The following GTF2E2 variants were observed in gnomAD, a reference collection of about 807,000 sequenced individuals.
GTF2E2 encodes general transcription factor IIE subunit 2.
Under a neutral mutation model 40.5 loss-of-function variants are expected in GTF2E2, and 21 were observed. That is an observed-to-expected ratio of 0.52 (90% CI 0.37 to 0.75). The LOEUF is 0.75. Ranked by LOEUF, GTF2E2 falls within the 30% of genes least tolerant of loss-of-function variation. The pLI, the probability that GTF2E2 is intolerant of heterozygous loss-of-function variation, is 0.00. For synonymous variants in GTF2E2, 117 were observed against 121.6 expected (o/e 0.96, Z 0.25); for missense variants, 298 against 338.4 (o/e 0.88, Z 0.94).
chr8:30,653,376 G>T (rs1297360685), intron 2 of GTF2E2, 57 bp downstream of exon 2: 3 of 1,342,030 alleles, frequency 2.2e-6, no homozygotes. Context: ...ATAACTAAAC[G>T]GTTTCCTCCT....
chr8:30,644,388 C>A (rs1047011770), intron 2 of GTF2E2: 8 of 152,110 alleles, frequency 5.3e-5, no homozygotes, highest in African/African-American at 1.9e-4. Flanking sequence ...TTTATAACCC[C>A]AAGATTAGGG....
At chr8:30,645,441 T>C in intron 2 of GTF2E2, 1 of 1,535,728 alleles carries the variant, frequency 6.5e-7, no homozygotes, top group South Asian at 1.2e-5. Flanking sequence ...TATTTATATT[T>C]ACAGTGGTAT....
intron 3 of GTF2E2, among the ~76,000 whole-genome samples, chr8:30,631,072 G>C (rs559372797): frequency 4.5e-4 from 69 of 152,222 alleles, no homozygotes; most frequent in African/African-American, 1.6e-3. Flanking sequence ...GTGTCGCCCA[G>C]GCTGGAGTAC....
At chr8:30,598,427 C>G (rs1284623036) in intron 6 of GTF2E2, among the ~76,000 whole-genome samples, 1 of 152,166 alleles carries the variant, frequency 6.6e-6, no homozygotes, top group African/African-American at 2.4e-5. Flanking sequence ...TTTCATGGCA[C>G]AATAGAACTG....
chr8:30,651,801 T>G (rs553926950), intron 2 of GTF2E2, among the ~76,000 whole-genome samples: 1 of 152,336 alleles, frequency 6.6e-6, no homozygotes, highest in South Asian at 2.1e-4. Context: ...TTGATGGACT[T>G]ACATTTCTCA....
chr8:30,613,211 A>C (rs1014602499), intron 4 of GTF2E2, among the ~76,000 whole-genome samples: 2 of 152,248 alleles, frequency 1.3e-5, no homozygotes, highest in Non-Finnish European at 2.9e-5. Context: ...CTGGCATTAT[A>C]AAGTAAGGAA....
chr8:30,645,265 T>C, intron 2 of GTF2E2: 2 of 1,494,878 alleles, frequency 1.3e-6, no homozygotes, highest in Admixed American at 2.4e-5. Context: ...AAATTCATTT[T>C]CTACCTTTTT....
chr8:30,641,336 T>TCC (rs1563505196), intron 2 of GTF2E2, among the ~76,000 whole-genome samples: 1 of 152,152 alleles, frequency 6.6e-6, no homozygotes. Flanking sequence ...TGGTGTTACC[T>TCC]ATAGTTATTA....
intron 3 of GTF2E2, among the ~76,000 whole-genome samples, chr8:30,629,553 G>T (rs1171350689): frequency 6.6e-6 from 1 of 152,052 alleles, no homozygotes; most frequent in African/African-American, 2.4e-5. Context: ...GCCAGGCGTG[G>T]TGGCAGGCGC....
chr8:30,645,820 T>C lies in GTF2E2; in HGVS notation c.166+7613A>G, dbSNP rs1433459771. 1.9e-5 allele frequency: 9 copies of C among 461,794 alleles called. No individual in the cohort carries two copies. The South Asian group carries it at 2.9e-4, about 15-fold the overall frequency. 28.6% of individuals were successfully genotyped at this position (461,794 alleles called of 1,614,324 possible). On this transcript the variant is annotated intron_variant, in intron 2 of 7. Transcript: ENST00000355904. ...ATGAATGTGAATTTACTAATCTGTTTAATACTGACACTTCAAAAACTGGAT... is the reference window on the plus strand; with the variant it reads ...ATGAATGTGAATTTACTAATCTGTTCAATACTGACACTTCAAAAACTGGAT...
chr8:30,590,009 C>T (rs1167761084), intron 6 of GTF2E2, among the ~76,000 whole-genome samples: 1 of 152,070 alleles, frequency 6.6e-6, no homozygotes, highest in African/African-American at 2.4e-5. Flanking sequence ...CTGTACAATT[C>T]CTGAAGTTTT....
chr8:30,605,673 C>CT (rs1829299527), intron 6 of GTF2E2, among the ~76,000 whole-genome samples: 1 of 146,326 alleles, frequency 6.8e-6, no homozygotes, highest in Non-Finnish European at 1.5e-5. Context: ...TTTTAACTTT[C>CT]TTTTTTAAAG....
chr8:30,594,177 C>T (rs1038934396), intron 6 of GTF2E2, among the ~76,000 whole-genome samples: 3 of 151,600 alleles, frequency 2.0e-5, no homozygotes, highest in African/African-American at 4.8e-5. Context: ...GGTGATCTGC[C>T]CACCTCGGCC....
intron 2 of GTF2E2, chr8:30,637,420 A>G: frequency 2.6e-6 from 1 of 389,336 alleles, no homozygotes. Flanking sequence ...TAAACACTCA[A>G]TAAATATTTG....
chr8:30,631,799 T>C (rs1801443950), intron 3 of GTF2E2, among the ~76,000 whole-genome samples: 1 of 152,082 alleles, frequency 6.6e-6, no homozygotes, highest in Admixed American at 6.6e-5. Context: ...AACACACATT[T>C]AAAAAGGAGT....
chr8:30,624,392 C>T (rs1817437077), intron 3 of GTF2E2, among the ~76,000 whole-genome samples: 1 of 152,160 alleles, frequency 6.6e-6, no homozygotes, highest in African/African-American at 2.4e-5. Context: ...GGTACCAGTA[C>T]CATGCTGTTT....
intron 1 of GTF2E2, among the ~76,000 whole-genome samples, chr8:30,654,644 ATCC>A (rs1481923826): frequency 1.3e-5 from 2 of 152,160 alleles, no homozygotes; most frequent in African/African-American, 4.8e-5. Flanking sequence ...GCCTCAAGCA[ATCC>A]TCCTACCTCA....
intron 3 of GTF2E2, among the ~76,000 whole-genome samples, chr8:30,625,748 G>A (rs986715569): frequency 3.9e-5 from 6 of 152,212 alleles, no homozygotes; most frequent in South Asian, 4.1e-4. Context: ...ACAGCCATGC[G>A]CCATCACACC....
In GTF2E2 at chr8:30,578,883, T is replaced by C; in HGVS notation, c.*38A>G. 1 of 975,516 alleles carries C rather than the reference T, an allele frequency of 1.0e-6. No individual in the cohort carries two copies. The highest frequency in any genetic ancestry group is 1.7e-6 in the Non-Finnish European group (1 of 596,898). The allele number at this position is 975,516 out of a possible 1,614,324, so 60.4% of individuals were successfully genotyped here. On this transcript the variant is annotated 3_prime_UTR_variant, in exon 8 of 8. Coordinates refer to ENST00000355904, the MANE Select transcript of GTF2E2 (RefSeq NM_002095.6). Reference sequence around the variant, plus strand: ...GAGCATCAGCAAGAACACTCTTGATTGTGTATCTGTAACTCTGTTCCAGGG... The same window carrying C: ...GAGCATCAGCAAGAACACTCTTGATCGTGTATCTGTAACTCTGTTCCAGGG...
Sources: gnomAD v4.1 joint callset for allele counts (sites outside exome capture counted in the v4.1 genomes callset) on GRCh38, gnomAD v4.1.1 for gene constraint, MANE v1.5 for transcripts, NCBI Gene and HGNC (gene_info 2026-07-23, HGNC 2026-07-21) for gene names.